Variants in AAMDC observed in about 807,000 individuals in gnomAD.
AAMDC encodes the protein mth938 domain-containing protein.
AAMDC carries 16 observed loss-of-function variants against 15.5 expected under a neutral mutation model. The observed-to-expected ratio is 1.03, with a 90% CI of 0.70 to 1.57. AAMDC has a LOEUF of 1.57. AAMDC is among the 40% of genes most tolerant of loss of function. AAMDC has a pLI of 0.00. For missense variants in AAMDC, 141 were observed against 144.9 expected, an observed-to-expected ratio of 0.97 and a Z score of 0.14; for synonymous variants, 51 against 51.6, an observed-to-expected ratio of 0.99 and a Z score of 0.05.
intron 2 of AAMDC, among the ~76,000 whole-genome samples, chr11:77,868,256 C>G (rs142535408): frequency 6.6e-6 from 1 of 151,262 alleles, no homozygotes; most frequent in African/African-American, 2.4e-5. Context: ...GGGGTTTCAC[C>G]GTGTTAGCCA....
intron 2 of AAMDC, chr11:77,850,788 AC>A (rs1325908586): frequency 1.7e-4 from 2 of 11,662 alleles, no homozygotes; most frequent in African/African-American, 2.1e-3. Flanking sequence ...ACACACATAC[AC>A]ACACACACAC....
chr11:77,881,822 CTA>C (rs1298815469), intron 5 of AAMDC, among the ~76,000 whole-genome samples: 1 of 151,860 alleles, frequency 6.6e-6, no homozygotes, highest in African/African-American at 2.4e-5. Context: ...CCAGTACGCA[CTA>C]TATATAAACA....
chr11:77,845,645 G>T (rs1423711034), intron 2 of AAMDC, among the ~76,000 whole-genome samples: 2 of 152,106 alleles, frequency 1.3e-5, no homozygotes, highest in African/African-American at 4.8e-5. Context: ...GGCCAGGCTG[G>T]TCTCAAATTC....
exon 6 of AAMDC, chr11:77,900,617 C>T (rs1473190528): frequency 2.9e-6 from 2 of 699,678 alleles, no homozygotes; most frequent in Non-Finnish European, 5.2e-6. Context: ...CAATGAGTCA[C>T]CTAAGTACTT....
chr11:77,826,036 C>T (rs1949156058), intron 1 of AAMDC, among the ~76,000 whole-genome samples: 2 of 152,102 alleles, frequency 1.3e-5, no homozygotes, highest in Non-Finnish European at 2.9e-5. Context: ...CTCTGACAAG[C>T]CTGGCTAAGA....
intron 5 of AAMDC, among the ~76,000 whole-genome samples, chr11:77,880,624 C>T (rs1293560842): frequency 6.6e-6 from 1 of 152,152 alleles, no homozygotes; most frequent in African/African-American, 2.4e-5. Flanking sequence ...AAGTGGCAGA[C>T]CACAACCACA....
Position 77,881,048 on chromosome 11 carries a change from A to C in AAMDC, c.328+3999A>C, listed in dbSNP as rs760986399. 9.1e-4 allele frequency among the ~76,000 whole-genome samples: 138 copies of C among 152,334 alleles called. 1 individual carries two copies. The highest frequency in any genetic ancestry group is 1.7e-3 in the Non-Finnish European group (118 of 68,030). ...CATTCCCTTACCAACATTTGATAAG[A>C]ATGGCAATTCAAGGCAATGCCATAG... On this transcript the variant is annotated intron_variant, in intron 5 of 5. Coordinates refer to the AAMDC transcript ENST00000304716.
chr11:77,862,968 C>T (rs1327572995), intron 2 of AAMDC, among the ~76,000 whole-genome samples: 2 of 152,106 alleles, frequency 1.3e-5, no homozygotes, highest in Non-Finnish European at 2.9e-5. Flanking sequence ...TTGGAGGTCC[C>T]TTCATGGTTG....
At chr11:77,903,422 C>T (rs1952838948), downstream of AAMDC, 1 of 1,607,484 alleles carries the variant, frequency 6.2e-7, no homozygotes, top group East Asian at 2.2e-5. Flanking sequence ...AGCTACATGC[C>T]ACAACTTTTC....
chr11:77,838,628 T>G (rs1949796275), intron 1 of AAMDC, among the ~76,000 whole-genome samples: 1 of 151,362 alleles, frequency 6.6e-6, no homozygotes, highest in Admixed American at 6.6e-5. Flanking sequence ...TTTTTTTTTT[T>G]TTTTTTGAGA....
chr11:77,879,436 T>C (rs1485725562), intron 5 of AAMDC, among the ~76,000 whole-genome samples: 2 of 152,230 alleles, frequency 1.3e-5, no homozygotes, highest in African/African-American at 2.4e-5. Flanking sequence ...CAAATTCTTA[T>C]GCAGGTGTGG....
chr11:77,870,329 A>ATT lies in AAMDC; in HGVS notation c.228+537_228+538dup, dbSNP rs965312288. On this transcript the variant is annotated intron_variant, in intron 3 of 3. Transcript: ENST00000393427. ...GCTACCACGTCTGGCCTATTTTTTA[A>ATT]TTTTTTTTTTTTTTTTTTTTTTTTT... Among the ~76,000 whole-genome samples, 517 of 87,990 alleles carry ATT rather than the reference A, an allele frequency of 5.9e-3. 13 individuals carry two copies. The highest frequency in any genetic ancestry group is 0.016 in the African/African-American group (322 of 20,424). 57.7% of individuals were successfully genotyped at this position (87,990 alleles called of 152,430 possible).
chr11:77,871,632 A>G (rs1041293051), intron 3 of AAMDC, among the ~76,000 whole-genome samples: 9 of 152,190 alleles, frequency 5.9e-5, no homozygotes, highest in African/African-American at 1.7e-4. Context: ...TATTATACCT[A>G]TTTTACAAGG....
At chr11:77,900,448 C>T in intron 5 of AAMDC, 1 of 540,790 alleles carries the variant, frequency 1.8e-6, no homozygotes, top group Non-Finnish European at 3.3e-6. Flanking sequence ...TATGAGGTCA[C>T]TATCAAGATA....
At chr11:77,883,885 G>A (rs1234916468) in intron 5 of AAMDC, 3 of 1,613,100 alleles carry the variant, frequency 1.9e-6, no homozygotes. Context: ...GTGCCGCCCT[G>A]GGCCAGGATT....
At chr11:77,859,059 G>C (rs893393949) in intron 2 of AAMDC, among the ~76,000 whole-genome samples, 1 of 152,234 alleles carries the variant, frequency 6.6e-6, no homozygotes, top group Non-Finnish European at 1.5e-5. Context: ...TAAGTGAAAG[G>C]TTTGGTGAAG....
Position 77,862,685 on chromosome 11 carries a change from C to T in AAMDC, c.133-7037C>T, listed in dbSNP as rs147295934. On this transcript the variant is annotated intron_variant, in intron 2 of 3. Coordinates refer to ENST00000393427, the MANE Select transcript of AAMDC (RefSeq NM_024684.4). ...ATAAATCACACTTTTTACATAATTG[C>T]GAGTTGTCTCTTAATGAAAAGAAAG... Among the ~76,000 whole-genome samples the T allele has an allele frequency of 4.5e-3, 681 of 152,184 alleles. 7 individuals are homozygous for T. Among genetic ancestry groups the T allele is most frequent in the Non-Finnish European group, 5.9e-3 (402 of 68,000 alleles).
downstream of AAMDC, among the ~76,000 whole-genome samples, chr11:77,904,878 A>G (rs1952895162): frequency 6.6e-6 from 1 of 152,128 alleles, no homozygotes; most frequent in Non-Finnish European, 1.5e-5. Flanking sequence ...TTACCATGTT[A>G]TTGTCTTTAT....
chr11:77,841,284 G>A, intron 1 of AAMDC: 1 of 701,400 alleles, frequency 1.4e-6, no homozygotes, highest in South Asian at 1.5e-5. Context: ...TTGGAAGGGT[G>A]CAGACATTCA....
Sources: allele counts gnomAD v4.1 joint callset (sites outside exome capture counted in the v4.1 genomes callset), GRCh38; gene constraint gnomAD v4.1.1; transcripts MANE v1.5; gene names NCBI Gene and HGNC (gene_info 2026-07-23, HGNC 2026-07-21).